Variants in PRSS27 observed in about 807,000 individuals in gnomAD.
The protein encoded by PRSS27 is serine protease 27, also known as channel-activating protease 2.
PRSS27 carries 25 observed loss-of-function variants against 32.0 expected under a neutral mutation model. The observed-to-expected ratio is 0.78, with a 90% confidence interval of 0.57 to 1.09. PRSS27 has a LOEUF of 1.09. Among genes scored for constraint, PRSS27 ranks in the 50% least tolerant of loss-of-function variants. The probability of loss-of-function intolerance (pLI) is 0.00; values close to 1 mark genes in which losing one functional copy is unlikely to be tolerated. For synonymous variants in PRSS27, 178 were observed against 172.2 expected, an observed-to-expected ratio of 1.03 and a Z score of -0.26; for missense variants, 401 against 394.9, an observed-to-expected ratio of 1.02 and a Z score of -0.13.
intron 3 of PRSS27, chr16:2,715,395 G>A: frequency 3.3e-6 from 1 of 304,044 alleles, no homozygotes; most frequent in Non-Finnish European, 6.2e-6. Context: ...GCGGGATGGG[G>A]AAAGGCCAGG....
chr16:2,713,251 A>G (rs2067675946), intron 5 of PRSS27: 5 of 469,872 alleles, frequency 1.1e-5, no homozygotes, highest in South Asian at 2.0e-5. Flanking sequence ...GGCGCCCACC[A>G]CCACGCCTGG....
At chr16:2,719,459 T>C (rs1268257218) in intron 1 of PRSS27, among the ~76,000 whole-genome samples, 1 of 152,142 alleles carries the variant, frequency 6.6e-6, no homozygotes, top group East Asian at 1.9e-4. Context: ...TGAGAGGTTT[T>C]CCCTGACAGA....
At chr16:2,719,153 A>G (rs916007373) in intron 1 of PRSS27, among the ~76,000 whole-genome samples, 5 of 152,152 alleles carry the variant, frequency 3.3e-5, no homozygotes, top group African/African-American at 9.7e-5. Context: ...ACTCATTGCC[A>G]AAGAGTTTTG....
chr16:2,719,972 C>G (rs1273003690), intron 1 of PRSS27, 143 bp downstream of exon 1: 5 of 778,636 alleles, frequency 6.4e-6, no homozygotes, highest in Non-Finnish European at 1.0e-5. Flanking sequence ...GCCTTCCCAC[C>G]TGCTCAGGGG....
In PRSS27 at chr16:2,712,994, C is replaced by T. The variant is rs1001278431; in HGVS notation, c.679-180G>A. 49 of 582,582 alleles carry T rather than the reference C, an allele frequency of 8.4e-5. No individual in the cohort carries two copies. In the Admixed American group the frequency reaches 1.0e-3, roughly 12 times the overall value. The allele number at this position is 582,582 out of a possible 1,614,324, so 36.1% of individuals were successfully genotyped here. On this transcript the variant is annotated intron_variant, in intron 5 of 5. Coordinates refer to ENST00000302641, the MANE Select transcript of PRSS27 (RefSeq NM_031948.5). The surrounding 1 kb of genome is among the most constrained non-coding windows in gnomAD (Gnocchi z 4.6). ...TAAAGTGCCTATTCTTTAGTGTCCC[C>T]AGATCAACTAGGGTGTGTGTGTGTG...
At position 2,715,762 on chromosome 16, in the gene PRSS27, G is replaced by C; in HGVS notation, c.192C>G (p.Leu64=). 1 of 1,587,120 alleles carries C rather than the reference G, an allele frequency of 6.3e-7. No individual in the cohort carries two copies. The highest frequency in any genetic ancestry group is 8.5e-7 in the Non-Finnish European group (1 of 1,170,358). ...RNGSHFCGGS[L]IAEQWVLTAA... is the part of the protein sequence containing the mutation. The stretch of plus-strand genomic sequence containing the variant: ...CCGTCAGGACCCACTGCTCCGCGAT[G>C]AGGCTGCCCCCGCAGAAGTGGCTTC... The change falls in exon 3 of 6, where the codon CTC becomes CTG. Residue 64 remains leucine (L), a synonymous_variant. Transcript: ENST00000302641.
chr16:2,715,192 AG>A (rs35229088), intron 3 of PRSS27: 7,384 of 153,272 alleles, frequency 0.048, 630 homozygotes, highest in African/African-American at 0.17. Context: ...GTGTGAGGTG[AG>A]GGGGCCTGGG....
Position 2,713,644 on chromosome 16 carries a change from G to A in PRSS27, c.563C>T (p.Thr188Ile), listed in dbSNP as rs2067680435. The A allele has an allele frequency of 6.2e-7, 1 of 1,614,230 alleles. No homozygotes were observed. The highest frequency in any genetic ancestry group is 8.5e-7 in the Non-Finnish European group (1 of 1,180,030). Residue 188 changes from threonine to isoleucine, a missense_variant, in exon 5 of 6, where the codon ACA (threonine) becomes ATA (isoleucine). Coordinates refer to ENST00000302641, the MANE Select transcript of PRSS27 (RefSeq NM_031948.5). ...GCTGTAGAGCAGGTTGCACTTGGGTGTGTCGATGATGGGCACAGCGAGTTT... is the reference window on the plus strand; with the variant it reads ...GCTGTAGAGCAGGTTGCACTTGGGTATGTCGATGATGGGCACAGCGAGTTT... ...LQKLAVPIIDTPKCNLLYSKD... is the reference protein window; with the variant it reads ...LQKLAVPIIDIPKCNLLYSKD...
At chr16:2,713,017 GTGT>G in intron 5 of PRSS27, 1 of 556,142 alleles carries the variant, frequency 1.8e-6, no homozygotes, top group African/African-American at 1.9e-5. Flanking sequence ...GTGTGTGTGT[GTGT>G]TGAAAATGCA....
Position 2,715,788 on chromosome 16 carries a change from C to G in PRSS27, c.166G>C (p.Gly56Arg). The change falls in exon 3 of 6, where the codon GGA (glycine) becomes CGA (arginine). Residue 56 changes from glycine to arginine, a missense_variant. Physicochemically the swap from Gly to Arg is moderately radical, Grantham distance 125. Transcript: ENST00000302641. Reference protein sequence around the residue: ...WPWQVSIQRNGSHFCGGSLIA... With the variant: ...WPWQVSIQRNRSHFCGGSLIA... ...AGGCTGCCCCCGCAGAAGTGGCTTC[C>G]GTTGCGCTGGATGCTGACTTGCCAG... is the stretch of plus-strand genomic sequence containing the variant. The G allele has an allele frequency of 6.2e-7, 1 of 1,602,140 alleles. No homozygotes were observed. Among genetic ancestry groups the G allele is most frequent in the South Asian group, 1.1e-5 (1 of 89,372 alleles).
Position 2,712,990 on chromosome 16 carries a change from TCC to T in PRSS27, c.679-178_679-177del. Reference sequence around the variant, plus strand: ...TGTCTAAAGTGCCTATTCTTTAGTGTCCCCAGATCAACTAGGGTGTGTGTGTG... The same window carrying T: ...TGTCTAAAGTGCCTATTCTTTAGTGTCCAGATCAACTAGGGTGTGTGTGTG... On this transcript the variant is annotated intron_variant, in intron 5 of 5. Coordinates refer to ENST00000302641, the MANE Select transcript of PRSS27 (RefSeq NM_031948.5). This position sits in a 1 kb window ranked among gnomAD's most constrained non-coding sequence, Gnocchi z 4.6. 1.7e-6 allele frequency: 1 copy of T among 585,562 alleles called. No homozygotes were observed. The highest frequency in any genetic ancestry group is 3.0e-6 in the Non-Finnish European group (1 of 335,366). 36.3% of individuals were successfully genotyped at this position (585,562 alleles called of 1,614,324 possible). A position where few individuals can be genotyped will look rare whatever the true frequency, so the allele number is the denominator to read the frequency against.
intron 4 of PRSS27, 66 bp downstream of exon 4, chr16:2,713,999 G>C: frequency 6.7e-7 from 1 of 1,499,966 alleles, no homozygotes. Flanking sequence ...GTTCAGAGTG[G>C]TCCCCAAGCC....
Position 2,712,685 on chromosome 16 carries a change from T to G in PRSS27, c.808A>C (p.Asn270His). Residue 270 changes from asparagine to histidine, a missense_variant, in exon 6 of 6, where the codon AAC becomes CAC. Transcript: ENST00000302641. This position sits in a 1 kb window ranked among gnomAD's most constrained non-coding sequence, Gnocchi z 4.6. ...GVYIRVTAHH[N>H]WIHRIIPKLQ... ...TTGGGGATGATCCGATGGATCCAGT[T>G]GTGGTGGGCGGTGACACGGATGTAG... is the stretch of plus-strand genomic sequence containing the variant. 6.3e-7 allele frequency: 1 copy of G among 1,599,426 alleles called. No individual in the cohort carries two copies. Among genetic ancestry groups the G allele is most frequent in the Non-Finnish European group, 8.5e-7 (1 of 1,172,996 alleles).
At position 2,714,434 on chromosome 16, in the gene PRSS27, C is replaced by T. The variant is rs2067688386; in HGVS notation, c.237-98G>A. On this transcript the variant is annotated intron_variant, in intron 3 of 5. Coordinates refer to ENST00000302641, the MANE Select transcript of PRSS27 (RefSeq NM_031948.5). This position sits in a 1 kb window ranked among gnomAD's most constrained non-coding sequence, Gnocchi z 4.7. Reference sequence around the variant, plus strand: ...CCTCTGGCCACCACCGTGCCCCACACCTCTCTCTGCACAATGTCTTCGAGA... The same window carrying T: ...CCTCTGGCCACCACCGTGCCCCACATCTCTCTCTGCACAATGTCTTCGAGA... The T allele has an allele frequency of 7.6e-7, 1 of 1,324,454 alleles. No homozygotes were observed. The highest frequency in any genetic ancestry group is 1.1e-6 in the Non-Finnish European group (1 of 950,418). The allele number at this position is 1,324,454 out of a possible 1,614,324, so 82.0% of individuals were successfully genotyped here. A position where few individuals can be genotyped will look rare whatever the true frequency, so the allele number is the denominator to read the frequency against.
intron 1 of PRSS27, chr16:2,718,194 ATCCT>A (rs1452083087): frequency 1.3e-5 from 2 of 151,614 alleles, no homozygotes. Context: ...CCCCATGCAG[ATCCT>A]TCCTTCCTAA....
chr16:2,719,863 G>T (rs1442408333), intron 1 of PRSS27, among the ~76,000 whole-genome samples: 1 of 152,166 alleles, frequency 6.6e-6, no homozygotes, highest in African/African-American at 2.4e-5. Flanking sequence ...GGCATGGGAG[G>T]AGGTGCTGCC....
Position 2,714,336 on chromosome 16 carries a change from G to A in PRSS27, c.237C>T (p.Asn79=). Reference sequence around the variant, plus strand: ...CCTGGTACAGGGACGTCTCAGAGGTGCTGGCGGGAGAAACAGAGAGGCGGC... The same window carrying A: ...CCTGGTACAGGGACGTCTCAGAGGTACTGGCGGGAGAAACAGAGAGGCGGC... ...WVLTAAHCFR[N]TSETSLYQVL... is the part of the protein sequence containing the mutation. Residue 79 remains asparagine, a splice_region_variant and synonymous_variant, in exon 4 of 6, where the codon AAC becomes AAT. Transcript: ENST00000302641. This position sits in a 1 kb window ranked among gnomAD's most constrained non-coding sequence, Gnocchi z 4.7. 1 of 1,612,120 alleles carries A rather than the reference G, an allele frequency of 6.2e-7. No individual in the cohort carries two copies. Among genetic ancestry groups the A allele is most frequent in the Non-Finnish European group, 8.5e-7 (1 of 1,179,966 alleles).
chr16:2,720,025 G>C (rs2067725431), intron 1 of PRSS27, 90 bp downstream of exon 1: 1 of 1,233,782 alleles, frequency 8.1e-7, no homozygotes, highest in African/African-American at 1.5e-5. Flanking sequence ...GCCTGTCCCA[G>C]GGAGTAGGGG....
At position 2,714,375 on chromosome 16, in the gene PRSS27, T is replaced by A. The variant is rs779678688; in HGVS notation, c.237-39A>T. Reference sequence around the variant, plus strand: ...CAGAGAGGCGGCGTGAGGCGGCCCCTCGTGTGGGGACAGGCCCGGGAGGGG... The same window carrying A: ...CAGAGAGGCGGCGTGAGGCGGCCCCACGTGTGGGGACAGGCCCGGGAGGGG... On this transcript the variant is annotated intron_variant, in intron 3 of 5. Coordinates refer to ENST00000302641, the MANE Select transcript of PRSS27 (RefSeq NM_031948.5). This position sits in a 1 kb window ranked among gnomAD's most constrained non-coding sequence, Gnocchi z 4.7. 6.2e-7 allele frequency: 1 copy of A among 1,603,172 alleles called. No homozygotes were observed. Among genetic ancestry groups the A allele is most frequent in the Admixed American group, 1.7e-5 (1 of 59,626 alleles).
Sources: gnomAD v4.1 joint callset for allele counts (sites outside exome capture counted in the v4.1 genomes callset) on GRCh38, gnomAD v4.1.1 for gene constraint, Gnocchi (gnomAD v3.1) non-coding constraint, MANE v1.5 for transcripts, NCBI Gene and HGNC (gene_info 2026-07-23, HGNC 2026-07-21) for gene names.